UBR3: variants seen among roughly 807,000 people sequenced by gnomAD.
UBR3 encodes ubiquitin protein ligase E3 component n-recognin 3.
A neutral mutation model predicts 243.2 loss-of-function variants in UBR3; 85 were observed. The ratio of observed to expected loss-of-function variants is 0.35; its 90% CI spans 0.29 to 0.42. The LOEUF is 0.42. Ranked by LOEUF, UBR3 falls within the 10% of genes least tolerant of loss-of-function variation. UBR3 has a pLI of 1.00. For synonymous variants in UBR3, 748 were observed against 799.8 expected (o/e 0.94, Z 1.09); for missense variants, 1,686 against 2,300.8 (o/e 0.73, Z 5.47).
chr2:169,919,664 C>T (rs2105342693), intron 11 of UBR3, among the ~76,000 whole-genome samples: 1 of 152,296 alleles, frequency 6.6e-6, no homozygotes, highest in South Asian at 2.1e-4. Context: ...TGAACAGACA[C>T]TTCTCAAAAG....
chr2:169,998,267 C>A (rs2089569449), intron 26 of UBR3, among the ~76,000 whole-genome samples: 1 of 152,106 alleles, frequency 6.6e-6, no homozygotes, highest in African/African-American at 2.4e-5. Flanking sequence ...AAGAGACGAT[C>A]TAATAAATGG....
At chr2:169,876,081 C>CTTATT in intron 3 of UBR3, 132 bp downstream of exon 3, 1 of 600,686 alleles carries the variant, frequency 1.7e-6, no homozygotes, top group Non-Finnish European at 2.4e-6. Flanking sequence ...ATTAAGAGAA[C>CTTATT]TTCTTTTTTT....
At chr2:169,837,709 C>A (rs1044023869) in intron 1 of UBR3, among the ~76,000 whole-genome samples, 1 of 152,154 alleles carries the variant, frequency 6.6e-6, no homozygotes, top group African/African-American at 2.4e-5. Context: ...CAACATAGGG[C>A]AAACCATCCC....
intron 24 of UBR3, among the ~76,000 whole-genome samples, chr2:169,978,854 A>G (rs902286332): frequency 6.6e-6 from 1 of 152,088 alleles, no homozygotes; most frequent in Admixed American, 6.6e-5. Context: ...GGAATGTCTC[A>G]GCTCAGCCAC....
At chr2:169,890,532 GAGAGAGAGAT>G (rs1441541249) in intron 5 of UBR3, among the ~76,000 whole-genome samples, 2 of 10,654 alleles carry the variant, frequency 1.9e-4, no homozygotes, top group African/African-American at 5.5e-4. Flanking sequence ...CTAGGAGAGA[GAGAGAGAGAT>G]ATATATATAT....
intron 32 of UBR3, among the ~76,000 whole-genome samples, chr2:170,046,728 C>A (rs2091097804): frequency 6.6e-6 from 1 of 151,862 alleles, no homozygotes; most frequent in Non-Finnish European, 1.5e-5. Flanking sequence ...TCCTATTTTT[C>A]CTATTTGTTT....
chr2:170,080,151 GT>G, intron 37 of UBR3, 128 bp downstream of exon 37: 1 of 894,128 alleles, frequency 1.1e-6, no homozygotes, highest in Non-Finnish European at 1.7e-6. Context: ...GATTGTGTGT[GT>G]TTTTTAATCC....
chr2:169,853,079 A>G (rs1422642095), intron 1 of UBR3, among the ~76,000 whole-genome samples: 1 of 152,236 alleles, frequency 6.6e-6, no homozygotes, highest in African/African-American at 2.4e-5. Flanking sequence ...TTTACACACC[A>G]TATGATAGCC....
chr2:169,877,701 C>T (rs1470791610), intron 4 of UBR3, 64 bp downstream of exon 4: 1 of 1,435,660 alleles, frequency 7.0e-7, no homozygotes, highest in Non-Finnish European at 9.3e-7. Context: ...AAAAACCTCT[C>T]AAACTTTACT....
At chr2:170,065,040 A>C (rs1293394327) in intron 35 of UBR3, among the ~76,000 whole-genome samples, 1 of 151,552 alleles carries the variant, frequency 6.6e-6, no homozygotes, top group Non-Finnish European at 1.5e-5. Flanking sequence ...ACAGGGCTTC[A>C]CCATGTTGGC....
chr2:169,923,909 A>G lies in UBR3; in HGVS notation c.1867-20A>G, dbSNP rs1305287834. 1 of 1,527,708 alleles carries G rather than the reference A, an allele frequency of 6.5e-7. No individual in the cohort carries two copies. The highest frequency in any genetic ancestry group is 8.8e-7 in the Non-Finnish European group (1 of 1,138,992). The allele number at this position is 1,527,708 out of a possible 1,614,324, so 94.6% of individuals were successfully genotyped here. A position where few individuals can be genotyped will look rare whatever the true frequency, so the allele number is the denominator to read the frequency against. On this transcript the variant is annotated intron_variant, in intron 11 of 38. Coordinates refer to ENST00000272793, the MANE Select transcript of UBR3 (RefSeq NM_172070.4). Reference sequence around the variant, plus strand: ...CTATAAAATAGTCTTTGACTTGTGCATTTTGTTTGTTTATTCCAGCCAGCA... The same window carrying G: ...CTATAAAATAGTCTTTGACTTGTGCGTTTTGTTTGTTTATTCCAGCCAGCA...
intron 24 of UBR3, among the ~76,000 whole-genome samples, chr2:169,971,435 C>A (rs1182740480): frequency 6.7e-6 from 1 of 149,838 alleles, no homozygotes; most frequent in Non-Finnish European, 1.5e-5. Context: ...CCTAGGTTTT[C>A]TTCTAGGGTT....
chr2:170,059,880 C>T (rs925697765), intron 33 of UBR3, among the ~76,000 whole-genome samples: 4 of 152,160 alleles, frequency 2.6e-5, no homozygotes, highest in African/African-American at 9.7e-5. Context: ...AAATAAATTT[C>T]ATCAGTTAAT....
At chr2:170,018,544 G>A (rs2090308287) in intron 30 of UBR3, among the ~76,000 whole-genome samples, 1 of 152,150 alleles carries the variant, frequency 6.6e-6, no homozygotes, top group Non-Finnish European at 1.5e-5. Context: ...GTATTCAGCA[G>A]ATGAGACTTG....
At chr2:170,011,582 G>T (rs2090082325) in intron 29 of UBR3, among the ~76,000 whole-genome samples, 2 of 149,486 alleles carry the variant, frequency 1.3e-5, no homozygotes, top group South Asian at 2.1e-4. Context: ...TTTGAATTTT[G>T]GATATTTAGA....
chr2:169,903,374 C>G (rs1488554642), intron 8 of UBR3, among the ~76,000 whole-genome samples: 1 of 152,164 alleles, frequency 6.6e-6, no homozygotes, highest in African/African-American at 2.4e-5. Context: ...CCCAACATTC[C>G]TTAGCACTGT....
At chr2:169,830,551 C>T (rs2081899383) in intron 1 of UBR3, among the ~76,000 whole-genome samples, 2 of 152,216 alleles carry the variant, frequency 1.3e-5, no homozygotes, top group South Asian at 4.1e-4. Flanking sequence ...GCTAGGCATG[C>T]TGGCTCCAGG....
rs1393766831 is a variant in UBR3 at position 169,827,916 on chromosome 2, G to A, written c.409G>A (p.Gly137Ser). The stretch of plus-strand genomic sequence containing the variant: ...CGTGGCCTACCGCTGCCGGACGTGC[G>A]GCATCTCGCCCTGCATGTCGCTGTG... ...NFVAYRCRTC[G>S]ISPCMSLCAE... is the part of the protein sequence containing the mutation. The change falls in exon 1 of 39, where the codon GGC becomes AGC. Residue 137 changes from glycine (G) to serine (S), a missense_variant. Gly to Ser is a moderately conservative substitution (Grantham distance 56). Around this residue, in one of 8 missense-constraint regions of UBR3, gnomAD observed 145 missense variants for 243.8 expected, o/e 0.59. Coordinates refer to ENST00000272793, the MANE Select transcript of UBR3 (RefSeq NM_172070.4). The A allele has an allele frequency of 6.6e-7, 1 of 1,513,152 alleles. No individual in the cohort carries two copies. Among genetic ancestry groups the A allele is most frequent in the African/African-American group, 1.4e-5 (1 of 70,664 alleles). 93.7% of individuals were successfully genotyped at this position (1,513,152 alleles called of 1,614,324 possible). A position where few individuals can be genotyped will look rare whatever the true frequency, so the allele number is the denominator to read the frequency against.
chr2:169,963,861 A>T (rs1321255965), intron 24 of UBR3, among the ~76,000 whole-genome samples: 1 of 152,152 alleles, frequency 6.6e-6, no homozygotes, highest in African/African-American at 2.4e-5. Flanking sequence ...GAACACCCAT[A>T]TACCAATATA....
Sources: allele counts gnomAD v4.1 joint callset (sites outside exome capture counted in the v4.1 genomes callset), GRCh38; gene constraint gnomAD v4.1.1; regional missense constraint gnomAD v4.1.1; transcripts MANE v1.5; gene names NCBI Gene and HGNC (gene_info 2026-07-23, HGNC 2026-07-21).